Variants in GAD2 observed in about 807,000 individuals in gnomAD.
GAD2 encodes glutamate decarboxylase 2, also known as 65 kDa glutamic acid decarboxylase.
Under a neutral mutation model 80.1 loss-of-function variants are expected in GAD2, and 22 were observed. The observed-to-expected ratio is 0.27, with a 90% confidence interval of 0.20 to 0.39. The LOEUF (loss-of-function observed/expected upper bound fraction) is 0.39. Among genes scored for constraint, GAD2 ranks in the 10% least tolerant of loss-of-function variants. GAD2 has a pLI of 1.00. For missense variants in GAD2, 624 were observed against 738.4 expected, an observed-to-expected ratio of 0.85 and a Z score of 1.80; for synonymous variants, 274 against 256.9, an observed-to-expected ratio of 1.07 and a Z score of -0.64.
chr10:26,220,543 C>T (rs1456820695), intron 4 of GAD2, among the ~76,000 whole-genome samples: 1 of 152,110 alleles, frequency 6.6e-6, no homozygotes, highest in Non-Finnish European at 1.5e-5. Context: ...GTGTATTAGA[C>T]ATCATCCTCA....
At chr10:26,228,951 A>G (rs1228170178) in intron 6 of GAD2, among the ~76,000 whole-genome samples, 1 of 152,148 alleles carries the variant, frequency 6.6e-6, no homozygotes, top group Non-Finnish European at 1.5e-5. Flanking sequence ...GCACTTTGGG[A>G]GGCCGAGGCG....
chr10:26,223,091 A>G (rs1478955991), intron 4 of GAD2, among the ~76,000 whole-genome samples: 1 of 152,240 alleles, frequency 6.6e-6, no homozygotes, highest in African/African-American at 2.4e-5. Context: ...AGAGTTTTAG[A>G]GGAATCTAGA....
intron 8 of GAD2, among the ~76,000 whole-genome samples, chr10:26,249,006 G>C (rs961677568): frequency 6.7e-6 from 1 of 150,352 alleles, no homozygotes; most frequent in Non-Finnish European, 1.5e-5. Flanking sequence ...AATTAGACAG[G>C]CATTAAGGAT....
intron 15 of GAD2, among the ~76,000 whole-genome samples, chr10:26,297,894 C>A (rs1834292266): frequency 6.6e-6 from 1 of 152,178 alleles, no homozygotes; most frequent in Admixed American, 6.5e-5. Context: ...TGAGCACATG[C>A]AGAATGAGTA....
intron 6 of GAD2, among the ~76,000 whole-genome samples, chr10:26,227,705 G>A (rs1844546447): frequency 6.6e-6 from 1 of 152,178 alleles, no homozygotes; most frequent in Non-Finnish European, 1.5e-5. Flanking sequence ...CAATGCCCAG[G>A]TCAGCCCTCA....
intron 4 of GAD2, among the ~76,000 whole-genome samples, chr10:26,222,208 G>A (rs1001231212): frequency 2.6e-5 from 4 of 152,086 alleles, no homozygotes; most frequent in South Asian, 2.1e-4. Context: ...CACTGTTTAC[G>A]GAAAGTTATC....
chr10:26,270,524 G>GCTT, intron 9 of GAD2, 116 bp from the exon 10 acceptor site: 1 of 777,446 alleles, frequency 1.3e-6, no homozygotes, highest in African/African-American at 1.7e-5. Context: ...CTCTGCTGCT[G>GCTT]CTTCCTCAAA....
chr10:26,230,811 G>A (rs542167806), intron 7 of GAD2, among the ~76,000 whole-genome samples: 26 of 152,104 alleles, frequency 1.7e-4, no homozygotes, highest in African/African-American at 6.3e-4. Flanking sequence ...CACCGTACCA[G>A]GCACGGTGGC....
intron 3 of GAD2, among the ~76,000 whole-genome samples, chr10:26,218,729 A>C (rs1465540620): frequency 2.6e-5 from 4 of 152,210 alleles, no homozygotes; most frequent in African/African-American, 9.7e-5. Context: ...TTACTGAGAA[A>C]CACGTTTAAG....
At chr10:26,242,471 G>A (rs1844755468) in intron 7 of GAD2, among the ~76,000 whole-genome samples, 3 of 152,090 alleles carry the variant, frequency 2.0e-5, no homozygotes, top group African/African-American at 4.8e-5. Flanking sequence ...TGGTCTCGCC[G>A]GCCCAGAGAG....
intron 7 of GAD2, among the ~76,000 whole-genome samples, chr10:26,232,247 CTT>C (rs1844611878): frequency 6.6e-6 from 1 of 152,110 alleles, no homozygotes; most frequent in Non-Finnish European, 1.5e-5. Context: ...TATTGGGCGT[CTT>C]TTTCTTTTGG....
At chr10:26,248,807 T>C (rs1351705613) in intron 8 of GAD2, among the ~76,000 whole-genome samples, 1 of 150,644 alleles carries the variant, frequency 6.6e-6, no homozygotes, top group African/African-American at 2.4e-5. Flanking sequence ...AGCTTTGCAA[T>C]CAGAAAAAAA....
chr10:26,278,464 A>G (rs988870757), intron 11 of GAD2, among the ~76,000 whole-genome samples: 4 of 152,336 alleles, frequency 2.6e-5, no homozygotes, highest in Admixed American at 6.5e-5. Flanking sequence ...AAATCTAGGC[A>G]CAGAGAGGTT....
At chr10:26,268,000 C>G (rs1845091580) in intron 8 of GAD2, among the ~76,000 whole-genome samples, 1 of 152,118 alleles carries the variant, frequency 6.6e-6, no homozygotes, top group Non-Finnish European at 1.5e-5. Flanking sequence ...ATGACAAATA[C>G]CAAAAACCCC....
intron 4 of GAD2, 25 bp downstream of exon 4, chr10:26,219,301 A>G (rs1303175659): frequency 7.3e-7 from 1 of 1,368,764 alleles, no homozygotes; most frequent in African/African-American, 1.5e-5. Flanking sequence ...AAAATAATAA[A>G]GCTCTTTTTT....
At chr10:26,256,862 C>A (rs111819866) in intron 8 of GAD2, among the ~76,000 whole-genome samples, 2,773 of 152,224 alleles carry the variant, frequency 0.018, 89 homozygotes, top group African/African-American at 0.063. Context: ...GCATAAATAC[C>A]CCGTTGCTTC....
intron 8 of GAD2, among the ~76,000 whole-genome samples, chr10:26,266,713 C>T (rs772976457): frequency 1.3e-5 from 2 of 152,172 alleles, no homozygotes; most frequent in Non-Finnish European, 2.9e-5. Flanking sequence ...GCCCAAAGTT[C>T]GCTGATACAG....
At chr10:26,241,837 C>T (rs8190651) in intron 7 of GAD2, among the ~76,000 whole-genome samples, 8,295 of 152,092 alleles carry the variant, frequency 0.055, 760 homozygotes, top group African/African-American at 0.19. Flanking sequence ...GTGTAGTTTG[C>T]GTCCTCACTC....
chr10:26,287,941 A>T (rs1335888125), intron 13 of GAD2, among the ~76,000 whole-genome samples: 1 of 152,212 alleles, frequency 6.6e-6, no homozygotes, highest in African/African-American at 2.4e-5. Context: ...GGTCAGCAGG[A>T]GGGAAGTATA....
Sources: gnomAD v4.1 joint callset for allele counts (sites outside exome capture counted in the v4.1 genomes callset) on GRCh38, gnomAD v4.1.1 for gene constraint, MANE v1.5 for transcripts, NCBI Gene and HGNC (gene_info 2026-07-23, HGNC 2026-07-21) for gene names.